The following MMP25 variants were observed in gnomAD, a reference collection of about 807,000 sequenced individuals.
MMP25 encodes matrix metalloproteinase-25.
Under a neutral mutation model 62.1 loss-of-function variants are expected in MMP25, and 68 were observed. That is an observed-to-expected ratio of 1.10 (90% CI 0.90 to 1.34). MMP25 has a LOEUF of 1.34. Among genes scored for constraint, MMP25 ranks in the 40% most tolerant of loss-of-function variants. The pLI is 0.00. For synonymous variants in MMP25, 407 were observed against 345.6 expected (o/e 1.18, Z -1.97); for missense variants, 942 against 792.5 (o/e 1.19, Z -2.26).
rs912621526 is a variant in MMP25, at chr16:3,050,316, A to G, written c.431A>G (p.Tyr144Cys). 5.6e-6 allele frequency: 9 copies of G among 1,613,690 alleles called. No homozygotes were observed. In the South Asian group the frequency reaches 8.8e-5, roughly 16 times the overall value. Residue 144 changes from tyrosine (Y) to cysteine (C), a missense_variant, in exon 4 of 10, where the codon TAT becomes TGT. Physicochemically the swap from Tyr to Cys is radical, Grantham distance 194. Coordinates refer to ENST00000336577, the MANE Select transcript of MMP25 (RefSeq NM_022468.5). ...GAGACCGTGCGGGTCCTCATGAGCT[A>G]TGCCCTGATGGCCTGGGGCATGGAG... Reference protein sequence around the residue: ...SQETVRVLMSYALMAWGMESG... With the variant: ...SQETVRVLMSCALMAWGMESG...
Position 3,057,017 on chromosome 16 carries a change from C to T in MMP25, c.662-16C>T, listed in dbSNP as rs771997270. 12 of 1,548,670 alleles carry T rather than the reference C, an allele frequency of 7.7e-6. No homozygotes were observed. Among genetic ancestry groups the T allele is most frequent in the Non-Finnish European group, 9.6e-6 (11 of 1,147,378 alleles). On this transcript the variant is annotated splice_polypyrimidine_tract_variant and intron_variant, in intron 4 of 9. Transcript: ENST00000336577. The stretch of plus-strand genomic sequence containing the variant: ...AAGCAGGGGCGGCCGCAGCTCTCAC[C>T]CACTTTCTCCTGCAGACGGCGAGGG...
At position 3,046,930 on chromosome 16, in the gene MMP25, C is replaced by A; in HGVS notation, c.13C>A (p.Leu5Ile). Residue 5 changes from leucine to isoleucine, a missense_variant, in exon 1 of 10, where the codon CTC becomes ATC. By Grantham distance (5) the Leu-to-Ile change is conservative (BLOSUM62 2). Coordinates refer to ENST00000336577, the MANE Select transcript of MMP25 (RefSeq NM_022468.5). MRLR[L>I]RLLALLLLLL... ...GCTGGGGCGCACCATGCGGCTGCGGCTCCGGCTTCTGGCGCTGCTGCTTCT... is the reference window on the plus strand; with the variant it reads ...GCTGGGGCGCACCATGCGGCTGCGGATCCGGCTTCTGGCGCTGCTGCTTCT... The A allele has an allele frequency of 6.9e-7, 1 of 1,459,110 alleles. No individual in the cohort carries two copies. The highest frequency in any genetic ancestry group is 1.3e-5 in the South Asian group (1 of 75,118). 90.4% of individuals were successfully genotyped at this position (1,459,110 alleles called of 1,614,324 possible). A position where few individuals can be genotyped will look rare whatever the true frequency, so the allele number is the denominator to read the frequency against.
intron 7 of MMP25, 58 bp from the exon 8 acceptor site, chr16:3,058,123 G>A: frequency 1.9e-6 from 3 of 1,591,898 alleles, no homozygotes; most frequent in East Asian, 2.3e-5. Flanking sequence ...CACACACCCT[G>A]GGGGAGGAGA....
Position 3,057,398 on chromosome 16 carries a change from A to G in MMP25, c.923+4A>G. The G allele has an allele frequency of 6.2e-7, 1 of 1,610,740 alleles. No homozygotes were observed. Among genetic ancestry groups the G allele is most frequent in the South Asian group, 1.1e-5 (1 of 90,722 alleles). On this transcript the variant is annotated splice_donor_region_variant and intron_variant, in intron 6 of 9. Transcript: ENST00000336577. ...CCCCGGCCTCGCCCACACACAGGTG[A>G]GTCCCCCACCAACTCGGAGACCTTG...
Position 3,046,865 on chromosome 16 carries a change from G to GGCC in MMP25, c.-53_-52insGCC. On this transcript the variant is annotated 5_prime_UTR_variant, in exon 1 of 10. Coordinates refer to ENST00000336577, the MANE Select transcript of MMP25 (RefSeq NM_022468.5). ...TCTCCTCCCCCAGGTCCCCGGGGCG[G>GGCC]CCCCAGCCAGGCCCCCTTCGAACCC... 1.8e-6 allele frequency: 2 copies of GGCC among 1,095,284 alleles called. No individual in the cohort carries two copies. The highest frequency in any genetic ancestry group is 3.3e-5 in the East Asian group (1 of 30,630). 67.8% of individuals were successfully genotyped at this position (1,095,284 alleles called of 1,614,324 possible).
chr16:3,048,796 T>C (rs1955856892), intron 2 of MMP25, among the ~76,000 whole-genome samples: 1 of 151,552 alleles, frequency 6.6e-6, no homozygotes, highest in African/African-American at 2.4e-5. Context: ...GAACTTGGTA[T>C]GACTTGCAAT....
intron 2 of MMP25, among the ~76,000 whole-genome samples, chr16:3,048,955 G>T (rs1264223441): frequency 6.6e-6 from 1 of 151,834 alleles, no homozygotes; most frequent in South Asian, 2.1e-4. Context: ...ACAGGCATCC[G>T]CCACCATGCC....
At chr16:3,055,444 G>A (rs181016556) in intron 4 of MMP25, among the ~76,000 whole-genome samples, 7 of 152,302 alleles carry the variant, frequency 4.6e-5, no homozygotes, top group Admixed American at 2.0e-4. Flanking sequence ...AGGGAAATTC[G>A]TCAGTGCGGA....
intron 4 of MMP25, 99 bp from the exon 5 acceptor site, chr16:3,056,934 C>G (rs910002358): frequency 2.3e-6 from 3 of 1,332,836 alleles, no homozygotes; most frequent in African/African-American, 2.9e-5. Context: ...GGAGGGTGTC[C>G]TGCTGTTCCT....
intron 1 of MMP25, 118 bp downstream of exon 1, chr16:3,047,134 T>C (rs746403046): frequency 8.4e-5 from 100 of 1,191,412 alleles, no homozygotes; most frequent in Non-Finnish European, 1.0e-4. Flanking sequence ...AAAGAGTGAC[T>C]GAGGATGGGG....
chr16:3,056,383 TTTTC>T (rs200018158), intron 4 of MMP25, among the ~76,000 whole-genome samples: 16,438 of 150,762 alleles, frequency 0.11, 1,102 homozygotes, highest in African/African-American at 0.17. Context: ...GTTTCTTTTA[TTTTC>T]TTTTTCTTTT....
chr16:3,047,594 G>C, intron 2 of MMP25, 47 bp downstream of exon 2: 1 of 1,598,186 alleles, frequency 6.3e-7, no homozygotes, highest in East Asian at 2.2e-5. Context: ...CACCCAGCCT[G>C]TCCACCGCCC....
chr16:3,050,650 G>A, intron 4 of MMP25, 104 bp downstream of exon 4: 1 of 1,241,408 alleles, frequency 8.1e-7, no homozygotes, highest in Non-Finnish European at 1.1e-6. Context: ...GTCTTGCTCT[G>A]TTGCTCAGGC....
chr16:3,047,664 G>A (rs909647092), intron 2 of MMP25, 117 bp downstream of exon 2: 5 of 1,210,922 alleles, frequency 4.1e-6, no homozygotes, highest in Admixed American at 2.4e-5. Context: ...GCTGATCTCA[G>A]GCCCCAAACC....
chr16:3,048,615 C>T (rs534180881), intron 2 of MMP25, among the ~76,000 whole-genome samples: 3 of 152,156 alleles, frequency 2.0e-5, no homozygotes, highest in South Asian at 4.1e-4. Context: ...AGAAGAGTGT[C>T]CCGGGCAAGT....
chr16:3,047,031 C>A lies in MMP25; in HGVS notation c.99+15C>A, dbSNP rs1322486636. ...GCCTGGGCGTGGTGAGCGCGGGGTC[C>A]GCAGGCTCCTGGGGTCTGCAGAGAG... On this transcript the variant is annotated intron_variant, in intron 1 of 9. Transcript: ENST00000336577. 2.3e-5 allele frequency: 33 copies of A among 1,428,766 alleles called. No individual in the cohort carries two copies. Among genetic ancestry groups the A allele is most frequent in the Non-Finnish European group, 2.8e-5 (31 of 1,099,286 alleles). The allele number at this position is 1,428,766 out of a possible 1,614,324, so 88.5% of individuals were successfully genotyped here.
In MMP25 at chr16:3,050,401, C is replaced by A. The variant is rs1045419503; in HGVS notation, c.516C>A (p.Ile172=). The change falls in exon 4 of 10, where the codon ATC becomes ATA. Residue 172 remains isoleucine (I), a synonymous_variant. Transcript: ENST00000336577. ...AGGGCCAGGAGCCCGACATCCTCATCGACTTTGCCCGCGCCTTCCACCAGG... is the reference window on the plus strand; with the variant it reads ...AGGGCCAGGAGCCCGACATCCTCATAGACTTTGCCCGCGCCTTCCACCAGG... ...SPQGQEPDIL[I]DFARAFHQDS... is the part of the protein sequence containing the mutation. 3.1e-6 allele frequency: 5 copies of A among 1,613,952 alleles called. No homozygotes were observed. The highest frequency in any genetic ancestry group is 4.2e-6 in the Non-Finnish European group (5 of 1,180,028).
chr16:3,058,327 T>G lies in MMP25; in HGVS notation c.1153T>G (p.Phe385Val), dbSNP rs530350084. 2 of 1,574,372 alleles carry G rather than the reference T, an allele frequency of 1.3e-6. No individual in the cohort carries two copies. Among genetic ancestry groups the G allele is most frequent in the South Asian group, 1.1e-5 (1 of 87,494 alleles). ...GCACCGAGACGGCCGAATCCTCCTC[T>G]TTAGCGGTGAGTGGGGCCGGCGGCG... is the stretch of plus-strand genomic sequence containing the variant. ...ARHRDGRILLFSGPQFWVFQD... is the reference protein window; with the variant it reads ...ARHRDGRILLVSGPQFWVFQD... Residue 385 changes from phenylalanine to valine, a missense_variant, in exon 8 of 10, where the codon TTT becomes GTT. Coordinates refer to ENST00000336577, the MANE Select transcript of MMP25 (RefSeq NM_022468.5).
In MMP25 at chr16:3,050,492, A is replaced by G. The variant is rs758686087; in HGVS notation, c.607A>G (p.Ile203Val). Residue 203 changes from isoleucine to valine, a missense_variant, in exon 4 of 10, where the codon ATC (isoleucine) becomes GTC (valine). Ile to Val is a conservative substitution (Grantham distance 29). Transcript: ENST00000336577. ...TGCCTTCTTCCCTGGGGAGCACCCCATCTCCGGGGACACTCACTTTGACGA... is the reference window on the plus strand; with the variant it reads ...TGCCTTCTTCCCTGGGGAGCACCCCGTCTCCGGGGACACTCACTTTGACGA... ...AHAFFPGEHPISGDTHFDDEE... is the reference protein window; with the variant it reads ...AHAFFPGEHPVSGDTHFDDEE... 1.3e-6 allele frequency: 2 copies of G among 1,597,930 alleles called. No individual in the cohort carries two copies. Among genetic ancestry groups the G allele is most frequent in the Non-Finnish European group, 1.7e-6 (2 of 1,170,448 alleles).
Sources: gnomAD v4.1 joint callset for allele counts (sites outside exome capture counted in the v4.1 genomes callset) on GRCh38, gnomAD v4.1.1 for gene constraint, MANE v1.5 for transcripts, NCBI Gene and HGNC (gene_info 2026-07-23, HGNC 2026-07-21) for gene names.